The following NDUFAF2 variants were observed in gnomAD, a reference collection of about 807,000 sequenced individuals.
The protein encoded by NDUFAF2 is NADH dehydrogenase [ubiquinone] 1 alpha subcomplex assembly factor 2.
In NDUFAF2, 13 loss-of-function variants were observed where a neutral mutation model predicts 22.8. The observed-to-expected ratio is 0.57, with a 90% CI of 0.37 to 0.91. The LOEUF (loss-of-function observed/expected upper bound fraction) is 0.91. NDUFAF2 is among the 40% of genes least tolerant of loss of function. The probability of loss-of-function intolerance (pLI) is 0.01; values close to 1 mark genes in which losing one functional copy is unlikely to be tolerated. For missense variants in NDUFAF2, 162 were observed against 195.2 expected, an observed-to-expected ratio of 0.83 and a Z score of 1.01; for synonymous variants, 53 against 64.2, an observed-to-expected ratio of 0.83 and a Z score of 0.84.
intron 1 of NDUFAF2, among the ~76,000 whole-genome samples, chr5:60,980,368 A>G (rs1351228596): frequency 6.6e-6 from 1 of 152,222 alleles, no homozygotes; most frequent in African/African-American, 2.4e-5. Context: ...AGAGAATTCA[A>G]AATAACTGTA....
intron 1 of NDUFAF2, among the ~76,000 whole-genome samples, chr5:61,069,328 C>T (rs1752267357): frequency 6.6e-6 from 1 of 152,128 alleles, no homozygotes; most frequent in Non-Finnish European, 1.5e-5. Flanking sequence ...CCTGTAACAC[C>T]ATATGTGTGG....
chr5:61,132,729 A>G (rs1753127744), intron 3 of NDUFAF2, among the ~76,000 whole-genome samples: 1 of 151,208 alleles, frequency 6.6e-6, no homozygotes, highest in African/African-American at 2.4e-5. Context: ...TGGGAATTCT[A>G]CTCCCTTCTC....
At chr5:61,103,572 C>A (rs1752728294) in intron 3 of NDUFAF2, among the ~76,000 whole-genome samples, 1 of 152,020 alleles carries the variant, frequency 6.6e-6, no homozygotes, top group African/African-American at 2.4e-5. Context: ...ATTTGTGTGT[C>A]ATAAGCACCT....
intron 3 of NDUFAF2, among the ~76,000 whole-genome samples, chr5:61,143,958 TTTTGTGTGTGTGTGTGTGTGTGTGTG>T (rs1472674603): frequency 5.7e-4 from 72 of 125,634 alleles, no homozygotes; most frequent in African/African-American, 2.2e-3. Flanking sequence ...AATGGCATAT[TTTTGTGTGTGTGTGTGTGTGTGTGTG>T]TGTGTGTGTG....
chr5:61,078,079 C>T (rs146702149), intron 2 of NDUFAF2, among the ~76,000 whole-genome samples: 47 of 152,228 alleles, frequency 3.1e-4, no homozygotes, highest in African/African-American at 9.4e-4. Context: ...TGGCCCGTCA[C>T]CCCCAGTGAT....
At chr5:61,063,927 A>G (rs577162812) in intron 1 of NDUFAF2, among the ~76,000 whole-genome samples, 5 of 152,280 alleles carry the variant, frequency 3.3e-5, no homozygotes, top group Admixed American at 1.3e-4. Flanking sequence ...AAATTTTCCA[A>G]TCAAAAGTGA....
At chr5:61,065,913 T>C (rs1752221468) in intron 1 of NDUFAF2, among the ~76,000 whole-genome samples, 2 of 151,820 alleles carry the variant, frequency 1.3e-5, no homozygotes, top group African/African-American at 4.8e-5. Context: ...TCTCTATCTG[T>C]AGAAAACATG....
intron 1 of NDUFAF2, among the ~76,000 whole-genome samples, chr5:61,044,126 A>G (rs897005689): frequency 1.3e-5 from 2 of 152,068 alleles, no homozygotes; most frequent in African/African-American, 2.4e-5. Context: ...TATGTTTCAT[A>G]TACCTGTTGG....
At chr5:61,090,921 T>C (rs554878526) in intron 2 of NDUFAF2, among the ~76,000 whole-genome samples, 2 of 152,168 alleles carry the variant, frequency 1.3e-5, no homozygotes. Flanking sequence ...CTCCCACTTA[T>C]AAGTGAGAAC....
chr5:61,125,118 A>G (rs1156475553), intron 3 of NDUFAF2, among the ~76,000 whole-genome samples: 1 of 152,040 alleles, frequency 6.6e-6, no homozygotes, highest in African/African-American at 2.4e-5. Context: ...ATTACAATTG[A>G]ACATCAGATT....
intron 1 of NDUFAF2, among the ~76,000 whole-genome samples, chr5:61,031,778 C>G (rs1751730900): frequency 6.6e-6 from 1 of 152,146 alleles, no homozygotes; most frequent in Non-Finnish European, 1.5e-5. Flanking sequence ...ATTTCTAGTT[C>G]TAGATCCTTG....
At chr5:61,015,252 G>T (rs557835377) in intron 1 of NDUFAF2, among the ~76,000 whole-genome samples, 1 of 152,040 alleles carries the variant, frequency 6.6e-6, no homozygotes, top group Non-Finnish European at 1.5e-5. Context: ...ACTTAAAAAT[G>T]TTACTAAATA....
At chr5:60,954,517 T>C (rs1430484144) in intron 1 of NDUFAF2, among the ~76,000 whole-genome samples, 2 of 152,194 alleles carry the variant, frequency 1.3e-5, no homozygotes, top group African/African-American at 4.8e-5. Flanking sequence ...CTGAGATAAC[T>C]TGAGCGTAAC....
chr5:60,977,701 G>A (rs561009673), intron 1 of NDUFAF2, among the ~76,000 whole-genome samples: 4 of 152,148 alleles, frequency 2.6e-5, no homozygotes, highest in Admixed American at 6.5e-5. Context: ...GCCAGGCATG[G>A]TGGCACACGC....
chr5:61,096,038 T>C (rs1200632134), intron 2 of NDUFAF2, among the ~76,000 whole-genome samples: 2 of 152,160 alleles, frequency 1.3e-5, no homozygotes, highest in African/African-American at 4.8e-5. Context: ...AAAGAGGCAA[T>C]TGAAAAATTC....
chr5:61,097,295 G>A (rs561738962), intron 2 of NDUFAF2, among the ~76,000 whole-genome samples: 2 of 152,310 alleles, frequency 1.3e-5, no homozygotes, highest in African/African-American at 4.8e-5. Context: ...AATACACCTA[G>A]ACTACTAAAC....
At chr5:60,992,700 G>C (rs329620) in intron 1 of NDUFAF2, among the ~76,000 whole-genome samples, 1 of 151,874 alleles carries the variant, frequency 6.6e-6, no homozygotes, top group African/African-American at 2.4e-5. Flanking sequence ...AGCATTTCTT[G>C]TAGGAAGCTC....
At chr5:61,006,660 C>T (rs1751370685) in intron 1 of NDUFAF2, among the ~76,000 whole-genome samples, 1 of 152,062 alleles carries the variant, frequency 6.6e-6, no homozygotes, top group Non-Finnish European at 1.5e-5. Flanking sequence ...TCCTTCACAT[C>T]CCTTGTAAGT....
At position 61,034,912 on chromosome 5, in the gene NDUFAF2, ATGTGTGTG is replaced by A. The variant is rs1554080641; in HGVS notation, c.128-38189_128-38182del. ...GGTTTTTTTAGGTAGGCAAATATATATGTGTGTGTGTGTGTGTGTGTGTGTGTGTGTAA... is the reference window on the plus strand; with the variant it reads ...GGTTTTTTTAGGTAGGCAAATATATATGTGTGTGTGTGTGTGTGTGTGTAA... On this transcript the variant is annotated intron_variant, in intron 1 of 3. Transcript: ENST00000296597. 2.3e-4 allele frequency among the ~76,000 whole-genome samples: 34 copies of A among 144,992 alleles called. 1 individual carries two copies. Among genetic ancestry groups the A allele is most frequent in the Middle Eastern group, 3.5e-3 (1 of 286 alleles).
Sources: gnomAD v4.1 joint callset for allele counts (sites outside exome capture counted in the v4.1 genomes callset) on GRCh38, gnomAD v4.1.1 for gene constraint, MANE v1.5 for transcripts, NCBI Gene and HGNC (gene_info 2026-07-23, HGNC 2026-07-21) for gene names.